The following PRKN variants were observed in gnomAD, a reference collection of about 807,000 sequenced individuals.
The protein encoded by PRKN is parkin RBR E3 ubiquitin protein ligase.
PRKN carries 56 observed loss-of-function variants against 59.5 expected under a neutral mutation model. That is an observed-to-expected ratio of 0.94 (90% CI 0.76 to 1.18). The LOEUF (loss-of-function observed/expected upper bound fraction) is 1.18. Ranked by LOEUF, PRKN falls within the 50% of genes most tolerant of loss-of-function variation. PRKN has a pLI of 0.00. For missense variants in PRKN, 657 were observed against 596.4 expected, an observed-to-expected ratio of 1.10 and a Z score of -1.06; for synonymous variants, 250 against 222.1, an observed-to-expected ratio of 1.13 and a Z score of -1.12.
chr6:162,188,815 A>G (rs1216854561), intron 4 of PRKN, among the ~76,000 whole-genome samples: 1 of 151,908 alleles, frequency 6.6e-6, no homozygotes, highest in Non-Finnish European at 1.5e-5. Context: ...AACTAGAAGA[A>G]TGGGTGGAAA....
chr6:161,932,521 T>A (rs1779203055), intron 6 of PRKN, among the ~76,000 whole-genome samples: 1 of 152,230 alleles, frequency 6.6e-6, no homozygotes, highest in Non-Finnish European at 1.5e-5. Context: ...CTACTAAGCA[T>A]AATTTTAAGT....
At chr6:162,518,760 C>T (rs1343189295) in intron 1 of PRKN, among the ~76,000 whole-genome samples, 2 of 152,128 alleles carry the variant, frequency 1.3e-5, no homozygotes, top group Non-Finnish European at 2.9e-5. Flanking sequence ...AAGACATAGA[C>T]ATGTAAGTTT....
chr6:162,333,135 C>A (rs1783664979), intron 2 of PRKN, among the ~76,000 whole-genome samples: 1 of 151,926 alleles, frequency 6.6e-6, no homozygotes, highest in Non-Finnish European at 1.5e-5. Context: ...AGAAAGAGAC[C>A]CATATATTCT....
intron 5 of PRKN, among the ~76,000 whole-genome samples, chr6:161,987,991 C>T (rs957652836): frequency 5.9e-5 from 9 of 152,084 alleles, no homozygotes; most frequent in Non-Finnish European, 2.9e-5. Flanking sequence ...AACGATGCTC[C>T]CTCTTAGCCC....
chr6:162,366,078 G>A (rs893413474), intron 2 of PRKN, among the ~76,000 whole-genome samples: 2 of 152,138 alleles, frequency 1.3e-5, no homozygotes, highest in African/African-American at 4.8e-5. Context: ...AAGCTTTAAT[G>A]GCAATTTATA....
At chr6:162,217,531 T>C (rs1031509492) in intron 3 of PRKN, among the ~76,000 whole-genome samples, 5 of 152,044 alleles carry the variant, frequency 3.3e-5, no homozygotes, top group African/African-American at 1.2e-4. Flanking sequence ...ATTACAGGCG[T>C]GTGCCACCAC....
rs965355732 is a variant in PRKN, at chr6:161,397,758, G to A, written c.1084-10881C>T. Among the ~76,000 whole-genome samples the A allele has an allele frequency of 6.6e-6, 1 of 152,164 alleles. No homozygotes were observed. The highest frequency in any genetic ancestry group is 6.5e-5 in the Admixed American group (1 of 15,274). On this transcript the variant is annotated intron_variant, in intron 9 of 11. Transcript: ENST00000366898. The surrounding 1 kb of genome is among the most constrained non-coding windows in gnomAD (Gnocchi z 4.2). ...GAGAAGCAGAAGAGGATAGCACAGT[G>A]CTGAGGAAACCCAGTACTGAGAATG... is the stretch of plus-strand genomic sequence containing the variant.
At chr6:161,965,782 T>C (rs935844959) in intron 6 of PRKN, among the ~76,000 whole-genome samples, 6 of 151,994 alleles carry the variant, frequency 3.9e-5, no homozygotes, top group African/African-American at 1.2e-4. Flanking sequence ...TGGTTGACAT[T>C]TGGTTGAGTT....
At chr6:162,026,821 C>A (rs1378774635) in intron 5 of PRKN, among the ~76,000 whole-genome samples, 1 of 152,108 alleles carries the variant, frequency 6.6e-6, no homozygotes, top group African/African-American at 2.4e-5. Context: ...ATGTTGTTGG[C>A]AATCAGGATT....
intron 7 of PRKN, among the ~76,000 whole-genome samples, chr6:161,704,248 G>A: frequency 6.6e-6 from 1 of 152,084 alleles, no homozygotes; most frequent in East Asian, 1.9e-4. Flanking sequence ...CTTGCTGAGT[G>A]CATGAAGGCA....
At chr6:162,456,400 A>C (rs1790874275) in intron 1 of PRKN, among the ~76,000 whole-genome samples, 1 of 152,190 alleles carries the variant, frequency 6.6e-6, no homozygotes, top group African/African-American at 2.4e-5. Flanking sequence ...TATATTTTTA[A>C]GTGATTTGTA....
At chr6:162,710,105 T>G (rs1414699123) in intron 1 of PRKN, among the ~76,000 whole-genome samples, 3 of 152,166 alleles carry the variant, frequency 2.0e-5, no homozygotes, top group African/African-American at 7.2e-5. Flanking sequence ...GCTGACACAG[T>G]GTCTCAATAA....
chr6:161,439,710 T>G (rs2115081982), intron 9 of PRKN, among the ~76,000 whole-genome samples: 1 of 151,986 alleles, frequency 6.6e-6, no homozygotes, highest in African/African-American at 2.4e-5. Flanking sequence ...TAGATTTTTT[T>G]TTATTGCTTA....
chr6:162,080,316 G>T (rs9364637), intron 4 of PRKN, among the ~76,000 whole-genome samples: 44 of 151,918 alleles, frequency 2.9e-4, no homozygotes, highest in Admixed American at 1.4e-3. Context: ...ATCAGCTCTC[G>T]ATATCCTGTA....
chr6:162,632,471 A>G (rs1777526703), intron 1 of PRKN, among the ~76,000 whole-genome samples: 1 of 152,160 alleles, frequency 6.6e-6, no homozygotes, highest in Non-Finnish European at 1.5e-5. Flanking sequence ...ACACCTGGAC[A>G]TAACAATGGA....
At chr6:162,261,731 C>T (rs1186248891) in intron 3 of PRKN, among the ~76,000 whole-genome samples, 1 of 152,162 alleles carries the variant, frequency 6.6e-6, no homozygotes, top group African/African-American at 2.4e-5. Flanking sequence ...TTATCTACTC[C>T]TGTATTTAAA....
At chr6:161,689,375 AAC>A (rs1401184128) in intron 7 of PRKN, among the ~76,000 whole-genome samples, 8 of 152,202 alleles carry the variant, frequency 5.3e-5, no homozygotes, top group Non-Finnish European at 1.5e-5. Flanking sequence ...GATTAACCTT[AAC>A]ACACACAATT....
intron 6 of PRKN, among the ~76,000 whole-genome samples, chr6:161,920,852 C>T (rs185948780): frequency 2.0e-5 from 3 of 151,944 alleles, no homozygotes; most frequent in African/African-American, 7.2e-5. Flanking sequence ...TACAGTACTC[C>T]AAGTTGCTCT....
Position 162,593,394 on chromosome 6 carries a change from A to G in PRKN, c.7+134268T>C, listed in dbSNP as rs142195620. On this transcript the variant is annotated intron_variant, in intron 1 of 11. Transcript: ENST00000366898. ...TGAGAAGCCCTTGGTGGAATGCTAC[A>G]TATCTGGAAAACAATCTATCAATAT... Among the ~76,000 whole-genome samples the G allele has an allele frequency of 8.0e-3, 1,214 of 152,348 alleles. 16 individuals carry two copies. Among genetic ancestry groups the G allele is most frequent in the Middle Eastern group, 0.061 (18 of 294 alleles).
Sources: gnomAD v4.1 joint callset for allele counts (sites outside exome capture counted in the v4.1 genomes callset) on GRCh38, gnomAD v4.1.1 for gene constraint, Gnocchi (gnomAD v3.1) non-coding constraint, MANE v1.5 for transcripts, NCBI Gene and HGNC (gene_info 2026-07-23, HGNC 2026-07-21) for gene names.